The following PCDHGA6 variants were observed in gnomAD, a reference collection of about 807,000 sequenced individuals.
PCDHGA6 encodes protocadherin gamma-A6.
Under a neutral mutation model 60.6 loss-of-function variants are expected in PCDHGA6, and 41 were observed. The observed-to-expected ratio is 0.68, with a 90% CI of 0.53 to 0.88. The LOEUF is 0.88. Among genes scored for constraint, PCDHGA6 ranks in the 40% least tolerant of loss-of-function variants. PCDHGA6 has a pLI of 0.00. For synonymous variants in PCDHGA6, 594 were observed against 524.4 expected, an observed-to-expected ratio of 1.13 and a Z score of -1.81; for missense variants, 1,312 against 1,203.0, an observed-to-expected ratio of 1.09 and a Z score of -1.34.
intron 1 of PCDHGA6, chr5:141,385,433 G>A (rs2024141): frequency 0.085 from 123,181 of 1,452,862 alleles, 5,787 homozygotes; most frequent in East Asian, 0.14. Context: ...ACTTTATAGA[G>A]GTAAAAATGA....
Position 141,431,829 on chromosome 5 carries a change from C to T in PCDHGA6, c.2424+55322C>T, listed in dbSNP as rs758915768. On this transcript the variant is annotated intron_variant, in intron 1 of 3. Transcript: ENST00000517434. The surrounding 1 kb of genome is among the most constrained non-coding windows in gnomAD (Gnocchi z 4.8). ...CTCACCTCTCTCGCCAGCTCGGTTC[C>T]CGAAAACTCTCCCAGAGGGACATTA... The T allele has an allele frequency of 1.9e-6, 3 of 1,613,928 alleles. No individual in the cohort carries two copies. The highest frequency in any genetic ancestry group is 2.2e-5 in the South Asian group (2 of 91,090).
chr5:141,508,994 A>G (rs2099873731), intron 3 of PCDHGA6, among the ~76,000 whole-genome samples: 1 of 152,052 alleles, frequency 6.6e-6, no homozygotes, highest in South Asian at 2.1e-4. Flanking sequence ...CAGCTGGGGT[A>G]GGAGAGGAGG....
chr5:141,502,667 T>G (rs2099815574), intron 2 of PCDHGA6, among the ~76,000 whole-genome samples: 1 of 152,236 alleles, frequency 6.6e-6, no homozygotes. Context: ...TTCATGCAAT[T>G]TTAGTATTCC....
At chr5:141,436,778 G>A (rs2097846346) in intron 1 of PCDHGA6, among the ~76,000 whole-genome samples, 1 of 152,154 alleles carries the variant, frequency 6.6e-6, no homozygotes, top group African/African-American at 2.4e-5. Flanking sequence ...ATTTGTGGAT[G>A]GAAATAAAAC....
intron 1 of PCDHGA6, chr5:141,441,650 G>C (rs932742795): frequency 8.4e-6 from 2 of 238,510 alleles, no homozygotes; most frequent in African/African-American, 2.4e-5. Context: ...TGTGATTCTA[G>C]GTGTCCTTGA....
Position 141,477,535 on chromosome 5 carries a change from G to A in PCDHGA6, c.2425-17272G>A, listed in dbSNP as rs2099412713. ...ACATTGAAGAAAACAACCTCCCCGG[G>A]GCTCCAATACTAAACCTAAGTGTCT... On this transcript the variant is annotated intron_variant, in intron 1 of 3. Transcript: ENST00000517434. The surrounding 1 kb of genome is among the most constrained non-coding windows in gnomAD (Gnocchi z 4.9). 1.2e-6 allele frequency: 2 copies of A among 1,613,936 alleles called. No homozygotes were observed. The highest frequency in any genetic ancestry group is 2.7e-5 in the African/African-American group (2 of 74,866).
In PCDHGA6 at chr5:141,491,832, C is replaced by A; in HGVS notation, c.2425-2975C>A. On this transcript the variant is annotated intron_variant, in intron 1 of 3. Coordinates refer to ENST00000517434, the MANE Select transcript of PCDHGA6 (RefSeq NM_018919.3). The surrounding 1 kb of genome is among the most constrained non-coding windows in gnomAD (Gnocchi z 6.9). ...GTCGCTGGCTGCGCTCCACCCGATT[C>A]TCGGGATCATTGGACCGTTTGCGCG... 6.8e-7 allele frequency: 1 copy of A among 1,474,424 alleles called. No individual in the cohort carries two copies. 91.3% of individuals were successfully genotyped at this position (1,474,424 alleles called of 1,614,324 possible).
intron 1 of PCDHGA6, chr5:141,418,442 G>C: frequency 6.2e-7 from 1 of 1,614,010 alleles, no homozygotes; most frequent in Non-Finnish European, 8.5e-7. Flanking sequence ...TCCAGAATTA[G>C]TATTGCAGAA....
At position 141,375,619 on chromosome 5, in the gene PCDHGA6, G is replaced by C; in HGVS notation, c.1536G>C (p.Gly512=). 1 of 1,614,216 alleles carries C rather than the reference G, an allele frequency of 6.2e-7. No homozygotes were observed. Among genetic ancestry groups the C allele is most frequent in the Non-Finnish European group, 8.5e-7 (1 of 1,180,036 alleles). Residue 512 remains glycine, a synonymous_variant, in exon 1 of 4, where the codon GGG becomes GGC. Coordinates refer to ENST00000517434, the MANE Select transcript of PCDHGA6 (RefSeq NM_018919.3). ...ACGTGTCCATCAACTCCGACACTGG[G>C]ATTCTGTACGCCCTGCGCTCCTTCG... ...SSYVSINSDT[G]ILYALRSFDY...
At chr5:141,403,732 G>A (rs1472288445) in intron 1 of PCDHGA6, 2 of 1,613,932 alleles carry the variant, frequency 1.2e-6, no homozygotes, top group Non-Finnish European at 1.7e-6. Context: ...CAGGCACCTG[G>A]CTGCTTACTG....
chr5:141,486,361 C>T lies in PCDHGA6; in HGVS notation c.2425-8446C>T. 1.2e-6 allele frequency: 2 copies of T among 1,614,086 alleles called. No individual in the cohort carries two copies. The highest frequency in any genetic ancestry group is 1.7e-6 in the Non-Finnish European group (2 of 1,179,994). On this transcript the variant is annotated intron_variant, in intron 1 of 3. Coordinates refer to ENST00000517434, the MANE Select transcript of PCDHGA6 (RefSeq NM_018919.3). This position sits in a 1 kb window ranked among gnomAD's most constrained non-coding sequence, Gnocchi z 5.0. ...GCATTCCTGACCACTTGCCATTTGCCCTCAAGTCTGCCTTCAGGAACCAGT... is the reference window on the plus strand; with the variant it reads ...GCATTCCTGACCACTTGCCATTTGCTCTCAAGTCTGCCTTCAGGAACCAGT...
rs1012028735 is a variant in PCDHGA6 at position 141,413,666 on chromosome 5, C to T, written c.2424+37159C>T. 4 of 1,613,666 alleles carry T rather than the reference C, an allele frequency of 2.5e-6. No individual in the cohort carries two copies. In the African/African-American group the frequency reaches 5.3e-5, roughly 22 times the overall value. On this transcript the variant is annotated intron_variant, in intron 1 of 3. Coordinates refer to ENST00000517434, the MANE Select transcript of PCDHGA6 (RefSeq NM_018919.3). ...TTTCCTCTCCCGGAAGCTATTGATC[C>T]GGATGTGGGCGTGAACTCCCTGCAG... is the stretch of plus-strand genomic sequence containing the variant.
rs781336795 is a variant in PCDHGA6, at chr5:141,477,936, C to T, written c.2425-16871C>T. Reference sequence around the variant, plus strand: ...GATGCAGGGCACAATGCCTGGCTCTCCTACAGTCTCTTGGGATCCCCTAAC... The same window carrying T: ...GATGCAGGGCACAATGCCTGGCTCTTCTACAGTCTCTTGGGATCCCCTAAC... On this transcript the variant is annotated intron_variant, in intron 1 of 3. Transcript: ENST00000517434. This position sits in a 1 kb window ranked among gnomAD's most constrained non-coding sequence, Gnocchi z 4.9. 1.2e-6 allele frequency: 2 copies of T among 1,614,170 alleles called. No homozygotes were observed. The highest frequency in any genetic ancestry group is 1.1e-5 in the South Asian group (1 of 91,088).
At chr5:141,411,319 C>T (rs532552346) in intron 1 of PCDHGA6, 1 of 152,262 alleles carries the variant, frequency 6.6e-6, no homozygotes, top group South Asian at 2.1e-4. Flanking sequence ...CCTATAATCA[C>T]AGCACTTTGA....
chr5:141,432,288 A>C lies in PCDHGA6; in HGVS notation c.2424+55781A>C. ...TCGTCCTACGTGTCCATCAACTCCG[A>C]CACTGGGGTACTGTATGCGCTGAGC... On this transcript the variant is annotated intron_variant, in intron 1 of 3. Coordinates refer to ENST00000517434, the MANE Select transcript of PCDHGA6 (RefSeq NM_018919.3). This position sits in a 1 kb window ranked among gnomAD's most constrained non-coding sequence, Gnocchi z 6.0. 1 of 1,614,192 alleles carries C rather than the reference A, an allele frequency of 6.2e-7. No individual in the cohort carries two copies. Among genetic ancestry groups the C allele is most frequent in the Non-Finnish European group, 8.5e-7 (1 of 1,180,018 alleles).
chr5:141,420,277 A>C, intron 1 of PCDHGA6: 1 of 1,518,166 alleles, frequency 6.6e-7, no homozygotes, highest in Non-Finnish European at 8.9e-7. Flanking sequence ...TTAAACAGGT[A>C]AGTATTTAAA....
At chr5:141,497,969 C>T (rs1595499086) in intron 2 of PCDHGA6, among the ~76,000 whole-genome samples, 1 of 152,160 alleles carries the variant, frequency 6.6e-6, no homozygotes. Flanking sequence ...GCAGTGTTCT[C>T]GATGTGGGAG....
chr5:141,492,720 A>G (rs1161942205), intron 1 of PCDHGA6, among the ~76,000 whole-genome samples: 1 of 152,256 alleles, frequency 6.6e-6, no homozygotes, highest in East Asian at 1.9e-4. Context: ...GCAGGCGGAC[A>G]GGCAGAGCTG....
chr5:141,434,092 A>C (rs1333686339), intron 1 of PCDHGA6, among the ~76,000 whole-genome samples: 1 of 152,172 alleles, frequency 6.6e-6, no homozygotes, highest in Non-Finnish European at 1.5e-5. Context: ...TTTGATGCTG[A>C]AATTGTCCCA....
Sources: gnomAD v4.1 joint callset for allele counts (sites outside exome capture counted in the v4.1 genomes callset) on GRCh38, gnomAD v4.1.1 for gene constraint, Gnocchi (gnomAD v3.1) non-coding constraint, MANE v1.5 for transcripts, NCBI Gene and HGNC (gene_info 2026-07-23, HGNC 2026-07-21) for gene names.